The following ARHGEF4 variants were observed in gnomAD, a reference collection of about 807,000 sequenced individuals.
ARHGEF4 encodes the protein Rho guanine nucleotide exchange factor 4.
In ARHGEF4, 119 loss-of-function variants were observed where a neutral mutation model predicts 162.0. The observed-to-expected ratio is 0.73, with a 90% CI of 0.63 to 0.86. The LOEUF is 0.86. ARHGEF4 is among the 40% of genes least tolerant of loss of function. ARHGEF4 has a pLI of 0.00. For synonymous variants in ARHGEF4, 1,014 were observed against 979.9 expected (o/e 1.03, Z -0.65); for missense variants, 2,488 against 2,456.0 (o/e 1.01, Z -0.28).
rs1559035677 is a variant in ARHGEF4, at chr2:130,914,767, C to T, written c.821C>T (p.Thr274Ile). ...PLGTRTKKES[T>I]LGPAGDTELL... ...GGGACCAGGACAAAGAAGGAAAGTA[C>T]TCTAGGCCCTGCAGGGGACACAGAA... The change falls in exon 2 of 14, where the codon ACT becomes ATT. Residue 274 changes from threonine to isoleucine, a missense_variant. Around this residue, in one of 6 missense-constraint regions of ARHGEF4, gnomAD observed 1,642 missense variants for 1,481.5 expected, o/e 1.11. Coordinates refer to ENST00000409359, the MANE Select transcript of ARHGEF4 (RefSeq NM_001367493.1). The T allele has an allele frequency of 3.5e-6, 5 of 1,434,222 alleles. No homozygotes were observed. The highest frequency in any genetic ancestry group is 4.5e-6 in the Non-Finnish European group (5 of 1,099,656). 88.8% of individuals were successfully genotyped at this position (1,434,222 alleles called of 1,614,324 possible).
intron 3 of ARHGEF4, among the ~76,000 whole-genome samples, chr2:130,931,957 A>G (rs1336311191): frequency 6.6e-6 from 1 of 152,198 alleles, no homozygotes; most frequent in Non-Finnish European, 1.5e-5. Flanking sequence ...TGTTAAAGTG[A>G]AGAATTCATT....
At chr2:130,932,272 C>T (rs189186488) in intron 3 of ARHGEF4, among the ~76,000 whole-genome samples, 24 of 152,270 alleles carry the variant, frequency 1.6e-4, no homozygotes, top group African/African-American at 5.3e-4. Flanking sequence ...TGTGATTATA[C>T]AGTACTTGTC....
chr2:131,044,534 AG>A lies in ARHGEF4; in HGVS notation c.5395del (p.Glu1799ArgfsTer16). ...AREREQVQLD[Q>X]ETGFSITELQ... Reference sequence around the variant, plus strand: ...GAGAGGGAGCAGGTGCAGCTGGACCAGGAGACAGGTTCGAGACCCTGCTGGG... The same window carrying A: ...GAGAGGGAGCAGGTGCAGCTGGACCAGAGACAGGTTCGAGACCCTGCTGGG... On this transcript the variant is annotated frameshift_variant, in exon 12 of 14. Coordinates refer to ENST00000409359, the MANE Select transcript of ARHGEF4 (RefSeq NM_001367493.1). LOFTEE classifies it high-confidence loss of function. 6.4e-7 allele frequency: 1 copy of A among 1,550,446 alleles called. No individual in the cohort carries two copies. Among genetic ancestry groups the A allele is most frequent in the Non-Finnish European group, 8.7e-7 (1 of 1,146,824 alleles).
intron 1 of ARHGEF4, among the ~76,000 whole-genome samples, chr2:130,845,807 G>A (rs1432974601): frequency 6.6e-6 from 1 of 152,198 alleles, no homozygotes; most frequent in Non-Finnish European, 1.5e-5. Flanking sequence ...TACACATCAG[G>A]CCGGATGGGC....
chr2:130,912,915 CCACTT>C (rs1261609652), intron 1 of ARHGEF4, among the ~76,000 whole-genome samples: 10 of 152,090 alleles, frequency 6.6e-5, no homozygotes, highest in African/African-American at 2.4e-4. Flanking sequence ...GAGAGAGAGA[CCACTT>C]CACATAACTT....
intron 4 of ARHGEF4, among the ~76,000 whole-genome samples, chr2:131,010,383 T>G (rs1688369806): frequency 6.6e-6 from 1 of 152,236 alleles, no homozygotes; most frequent in Non-Finnish European, 1.5e-5. Context: ...GATAGCCGTT[T>G]TGTTGTGCTT....
chr2:130,935,142 T>G (rs941932447), intron 3 of ARHGEF4, among the ~76,000 whole-genome samples: 2 of 152,094 alleles, frequency 1.3e-5, no homozygotes, highest in African/African-American at 4.8e-5. Context: ...TTTATCCCAT[T>G]TTTAATTTTT....
chr2:130,945,540 T>C (rs1683559110), intron 3 of ARHGEF4, among the ~76,000 whole-genome samples: 1 of 152,112 alleles, frequency 6.6e-6, no homozygotes, highest in Non-Finnish European at 1.5e-5. Context: ...TAAGGACCCT[T>C]TTCCCTCTCT....
intron 4 of ARHGEF4, chr2:130,963,829 C>G (rs895080858): frequency 1.4e-5 from 2 of 147,482 alleles, no homozygotes; most frequent in Non-Finnish European, 3.0e-5. Context: ...TGCCAAGGGT[C>G]CCAGCTGCCG....
chr2:130,866,081 A>T (rs1179293185), intron 1 of ARHGEF4, among the ~76,000 whole-genome samples: 1 of 152,122 alleles, frequency 6.6e-6, no homozygotes, highest in East Asian at 1.9e-4. Flanking sequence ...GAATAAAAAC[A>T]TTGATCTGGC....
intron 1 of ARHGEF4, among the ~76,000 whole-genome samples, chr2:130,912,476 G>A (rs937416599): frequency 6.6e-6 from 1 of 152,212 alleles, no homozygotes; most frequent in African/African-American, 2.4e-5. Context: ...GTTCTACCCT[G>A]CACCTTAAGA....
At chr2:130,950,232 C>T (rs549751199) in intron 4 of ARHGEF4, among the ~76,000 whole-genome samples, 8 of 152,312 alleles carry the variant, frequency 5.3e-5, no homozygotes, top group Middle Eastern at 6.8e-3. Context: ...TTCTTCTCCA[C>T]GTTTGGAAGG....
intron 4 of ARHGEF4, among the ~76,000 whole-genome samples, chr2:131,006,832 G>A (rs943824102): frequency 2.0e-5 from 3 of 152,178 alleles, no homozygotes; most frequent in Admixed American, 6.5e-5. Context: ...GTCATGAAGG[G>A]AAGCAAAAGG....
At chr2:130,853,598 T>C (rs560892505) in intron 1 of ARHGEF4, among the ~76,000 whole-genome samples, 15 of 152,268 alleles carry the variant, frequency 9.9e-5, no homozygotes, top group Non-Finnish European at 1.9e-4. Context: ...GAGCCAGGTG[T>C]GGGCTGTCCG....
At chr2:131,020,827 A>G (rs1477854271) in intron 4 of ARHGEF4, among the ~76,000 whole-genome samples, 5 of 152,106 alleles carry the variant, frequency 3.3e-5, no homozygotes, top group East Asian at 3.9e-4. Context: ...AAGTGTTCCT[A>G]TTTCTCCACA....
intron 3 of ARHGEF4, among the ~76,000 whole-genome samples, chr2:130,938,536 C>T (rs1574265141): frequency 6.6e-6 from 1 of 152,134 alleles, no homozygotes; most frequent in African/African-American, 2.4e-5. Flanking sequence ...ATTCTCTCCC[C>T]TCAAACAATT....
At chr2:130,889,461 T>C (rs1679725753) in intron 1 of ARHGEF4, among the ~76,000 whole-genome samples, 1 of 152,096 alleles carries the variant, frequency 6.6e-6, no homozygotes, top group Admixed American at 6.5e-5. Context: ...ATTCATCCTT[T>C]AGATTTGCCT....
intron 2 of ARHGEF4, among the ~76,000 whole-genome samples, chr2:130,922,849 G>C (rs1475694434): frequency 6.6e-6 from 1 of 150,764 alleles, no homozygotes; most frequent in African/African-American, 2.4e-5. Flanking sequence ...ACTGATTCTT[G>C]ATAGAATTGC....
intron 4 of ARHGEF4, among the ~76,000 whole-genome samples, chr2:130,956,633 T>A (rs1684290049): frequency 6.6e-6 from 1 of 151,414 alleles, no homozygotes; most frequent in Admixed American, 6.6e-5. Flanking sequence ...TGGAATACTA[T>A]GCAGCCATAA....
Sources: gnomAD v4.1 joint callset for allele counts (sites outside exome capture counted in the v4.1 genomes callset) on GRCh38, gnomAD v4.1.1 for gene constraint, gnomAD v4.1.1 regional missense constraint, MANE v1.5 for transcripts, NCBI Gene and HGNC (gene_info 2026-07-23, HGNC 2026-07-21) for gene names.